The following EIF4G3 variants were observed in gnomAD, a reference collection of about 807,000 sequenced individuals.
The protein encoded by EIF4G3 is eIF-4-gamma 3.
Under a neutral mutation model 186.4 loss-of-function variants are expected in EIF4G3, and 34 were observed. That is an observed-to-expected ratio of 0.18 (90% confidence interval 0.14 to 0.24). The LOEUF (loss-of-function observed/expected upper bound fraction) is 0.24. Among genes scored for constraint, EIF4G3 ranks in the 10% least tolerant of loss-of-function variants. EIF4G3 has a pLI of 1.00. For missense variants in EIF4G3, 1,536 were observed against 1,948.5 expected (o/e 0.79, Z 3.99); for synonymous variants, 673 against 679.5 (o/e 0.99, Z 0.15).
At chr1:20,928,989 T>A (rs113573704) in intron 14 of EIF4G3, among the ~76,000 whole-genome samples, 165 of 152,364 alleles carry the variant, frequency 1.1e-3, no homozygotes, top group African/African-American at 3.9e-3. Context: ...ATATAAAATG[T>A]GGTCTTTTGT....
intron 19 of EIF4G3, among the ~76,000 whole-genome samples, chr1:20,880,189 T>C (rs1359764074): frequency 6.6e-6 from 1 of 151,974 alleles, no homozygotes; most frequent in African/African-American, 2.4e-5. Context: ...GAGGTCCTAA[T>C]CAATGAAATA....
intron 30 of EIF4G3, among the ~76,000 whole-genome samples, chr1:20,838,093 G>C (rs557701397): frequency 4.6e-5 from 7 of 152,032 alleles, no homozygotes; most frequent in Non-Finnish European, 8.8e-5. Flanking sequence ...AATTATTGCC[G>C]GCAACAGCAA....
intron 3 of EIF4G3, among the ~76,000 whole-genome samples, chr1:21,075,977 C>CGT (rs2095578010): frequency 6.6e-6 from 1 of 152,038 alleles, no homozygotes; most frequent in Non-Finnish European, 1.5e-5. Flanking sequence ...TGGATTTAAA[C>CGT]TGCATTTTAA....
At chr1:20,851,743 C>T (rs1231611354) in intron 27 of EIF4G3, among the ~76,000 whole-genome samples, 1 of 152,172 alleles carries the variant, frequency 6.6e-6, no homozygotes, top group Non-Finnish European at 1.5e-5. Context: ...GGTGGCCAGG[C>T]ATGGTGGCTC....
chr1:21,160,038 C>T (rs140084304), intron 2 of EIF4G3, among the ~76,000 whole-genome samples: 6 of 148,572 alleles, frequency 4.0e-5, no homozygotes, highest in African/African-American at 1.2e-4. Flanking sequence ...ACCTGGGAGG[C>T]AGAGGTTGCA....
At chr1:20,923,292 A>T (rs2094614120) in intron 14 of EIF4G3, among the ~76,000 whole-genome samples, 1 of 152,222 alleles carries the variant, frequency 6.6e-6, no homozygotes, top group East Asian at 1.9e-4. Flanking sequence ...TGCTCCAAAA[A>T]GTTCAGTGGA....
At chr1:21,116,699 C>T (rs565312202) in intron 2 of EIF4G3, among the ~76,000 whole-genome samples, 1 of 151,592 alleles carries the variant, frequency 6.6e-6, no homozygotes, top group African/African-American at 2.4e-5. Context: ...ATTAGCTGGG[C>T]GTGGTGGCGT....
At chr1:20,883,244 T>C (rs2154554577) in intron 19 of EIF4G3, among the ~76,000 whole-genome samples, 1 of 152,178 alleles carries the variant, frequency 6.6e-6, no homozygotes, top group African/African-American at 2.4e-5. Context: ...AAGCAAGTAC[T>C]AGGGTTGATT....
intron 2 of EIF4G3, among the ~76,000 whole-genome samples, chr1:21,090,340 T>C (rs571933213): frequency 6.6e-6 from 1 of 152,330 alleles, no homozygotes; most frequent in African/African-American, 2.4e-5. Context: ...ACTCACTACA[T>C]ACATGCTACA....
intron 20 of EIF4G3, among the ~76,000 whole-genome samples, chr1:20,868,461 T>C (rs1020614340): frequency 6.6e-6 from 1 of 152,012 alleles, no homozygotes; most frequent in Non-Finnish European, 1.5e-5. Context: ...ACTAATCCCA[T>C]TGTGTGGGCT....
intron 14 of EIF4G3, among the ~76,000 whole-genome samples, chr1:20,922,401 G>A (rs888863649): frequency 2.6e-5 from 4 of 152,038 alleles, no homozygotes; most frequent in Admixed American, 6.6e-5. Flanking sequence ...GGGTTCATGC[G>A]ATTCTCCTGC....
chr1:21,060,643 G>A (rs1012376344), intron 3 of EIF4G3, among the ~76,000 whole-genome samples: 1 of 152,120 alleles, frequency 6.6e-6, no homozygotes, highest in East Asian at 1.9e-4. Flanking sequence ...AGGCCACAGT[G>A]GCTCACATCT....
intron 4 of EIF4G3, among the ~76,000 whole-genome samples, chr1:21,043,864 T>A (rs1418985082): frequency 7.3e-6 from 1 of 137,254 alleles, no homozygotes. Flanking sequence ...GAGTGAAACC[T>A]TGGCGCAAAA....
chr1:21,162,448 T>TA (rs149741247), intron 2 of EIF4G3, among the ~76,000 whole-genome samples: 46,787 of 125,060 alleles, frequency 0.37, 8,475 homozygotes, highest in Non-Finnish European at 0.44. Context: ...GACATCATCT[T>TA]AAAAAAAAAA....
At chr1:21,087,528 C>G (rs1470128775) in intron 3 of EIF4G3, among the ~76,000 whole-genome samples, 2 of 152,206 alleles carry the variant, frequency 1.3e-5, no homozygotes, top group Non-Finnish European at 2.9e-5. Context: ...GGCATAATGG[C>G]TCATGTCTAT....
chr1:21,169,178 C>T (rs975443259), intron 2 of EIF4G3, among the ~76,000 whole-genome samples: 3 of 152,020 alleles, frequency 2.0e-5, no homozygotes, highest in East Asian at 1.9e-4. Context: ...TGGCAAGGCG[C>T]GGTGGCTCAC....
chr1:20,924,959 G>A (rs2094774488), intron 14 of EIF4G3, among the ~76,000 whole-genome samples: 1 of 152,142 alleles, frequency 6.6e-6, no homozygotes, highest in Non-Finnish European at 1.5e-5. Context: ...TAATTCATAT[G>A]AACAAAAAGA....
At chr1:20,822,946 T>C (rs1383492760) in intron 33 of EIF4G3, among the ~76,000 whole-genome samples, 1 of 152,236 alleles carries the variant, frequency 6.6e-6, no homozygotes, top group African/African-American at 2.4e-5. Flanking sequence ...CAGGGAATTC[T>C]ACATTTACTG....
chr1:21,051,657 G>T (rs1420799436), intron 3 of EIF4G3, among the ~76,000 whole-genome samples: 2 of 152,096 alleles, frequency 1.3e-5, no homozygotes, highest in African/African-American at 4.8e-5. Context: ...TTTCAGACCA[G>T]CCTGTGCAAC....
Sources: gnomAD v4.1 joint callset for allele counts (sites outside exome capture counted in the v4.1 genomes callset) on GRCh38, gnomAD v4.1.1 for gene constraint, MANE v1.5 for transcripts, NCBI Gene and HGNC (gene_info 2026-07-23, HGNC 2026-07-21) for gene names.